The following SEC14L1 variants were observed in gnomAD, a reference collection of about 807,000 sequenced individuals.
The protein encoded by SEC14L1 is SEC14-like protein 1.
SEC14L1 carries 48 observed loss-of-function variants against 85.3 expected under a neutral mutation model. The observed-to-expected ratio is 0.56, with a 90% CI of 0.45 to 0.72. The LOEUF (loss-of-function observed/expected upper bound fraction) is 0.72, where lower values mean the gene tolerates loss of function less well. SEC14L1 is among the 30% of genes least tolerant of loss of function. SEC14L1 has a pLI of 0.00. For synonymous variants in SEC14L1, 391 were observed against 355.5 expected (o/e 1.10, Z -1.12); for missense variants, 682 against 921.4 (o/e 0.74, Z 3.36).
chr17:77,195,839 T>C (rs964009599), intron 7 of SEC14L1, among the ~76,000 whole-genome samples: 1 of 151,652 alleles, frequency 6.6e-6, no homozygotes, highest in Non-Finnish European at 1.5e-5. Flanking sequence ...TTGCTTGGCT[T>C]TTTTTTTTCC....
intron 8 of SEC14L1, among the ~76,000 whole-genome samples, chr17:77,198,662 C>T (rs1162955835): frequency 6.6e-6 from 1 of 151,762 alleles, no homozygotes; most frequent in African/African-American, 2.4e-5. Context: ...GCAAGATCCG[C>T]CTCCTGGGTT....
At chr17:77,089,318 A>G (rs1355225791) in intron 2 of SEC14L1, 2 of 499,250 alleles carry the variant, frequency 4.0e-6, no homozygotes, top group South Asian at 2.9e-5. Flanking sequence ...CGGTCTGGGG[A>G]AAGGCTCCTG....
intron 3 of SEC14L1, among the ~76,000 whole-genome samples, chr17:77,150,607 A>G (rs1973511636): frequency 6.6e-6 from 1 of 152,220 alleles, no homozygotes; most frequent in African/African-American, 2.4e-5. Context: ...GTGAGGAGAC[A>G]CTGCTCTTCC....
At chr17:77,190,683 G>A (rs956895446) in intron 3 of SEC14L1, 120 bp from the exon 4 acceptor site, 5 of 950,028 alleles carry the variant, frequency 5.3e-6, no homozygotes, top group Non-Finnish European at 8.1e-6. Flanking sequence ...TGTGAAGACA[G>A]TTGTGGCGCT....
Position 77,214,984 on chromosome 17 carries a change from A to T in SEC14L1, c.*961A>T, listed in dbSNP as rs1976966914. The T allele has an allele frequency of 1.0e-6, 1 of 985,340 alleles. No individual in the cohort carries two copies. The highest frequency in any genetic ancestry group is 1.7e-5 in the African/African-American group (1 of 57,224). The allele number at this position is 985,340 out of a possible 1,614,324, so 61.0% of individuals were successfully genotyped here. On this transcript the variant is annotated 3_prime_UTR_variant, in exon 17 of 17. Transcript: ENST00000436233. ...GGGGTTTTATTAGTAGCTAAGCAGC[A>T]GCTCTCGCATCCACTTCAGGGTGGC...
chr17:77,148,689 C>A (rs1055784943), intron 3 of SEC14L1, among the ~76,000 whole-genome samples: 1 of 152,226 alleles, frequency 6.6e-6, no homozygotes, highest in African/African-American at 2.4e-5. Flanking sequence ...GCAGCGTAAG[C>A]CCCTCCCTTT....
At chr17:77,102,153 G>A (rs867305044) in intron 3 of SEC14L1, among the ~76,000 whole-genome samples, 22 of 152,198 alleles carry the variant, frequency 1.4e-4, no homozygotes, top group South Asian at 8.3e-4. Context: ...ACCAAAACGC[G>A]TTGAGCATCA....
chr17:77,200,209 A>G (rs950873523), intron 8 of SEC14L1, among the ~76,000 whole-genome samples: 1 of 151,972 alleles, frequency 6.6e-6, no homozygotes, highest in African/African-American at 2.4e-5. Context: ...TCCCTTAGCA[A>G]CTTTTTTTTT....
At chr17:77,130,536 T>C (rs1480175135) in intron 3 of SEC14L1, among the ~76,000 whole-genome samples, 1 of 152,166 alleles carries the variant, frequency 6.6e-6, no homozygotes, top group Non-Finnish European at 1.5e-5. Context: ...TTGGCCAAGC[T>C]GTTCTCGAAC....
chr17:77,216,903 C>A lies in SEC14L1; in HGVS notation c.*2880C>A. ...CTCTTTTAAAACGCTGCTGTCATTT[C>A]CCATTTCTTAGTACTAATGATTCTT... is the stretch of plus-strand genomic sequence containing the variant. On this transcript the variant is annotated 3_prime_UTR_variant, in exon 17 of 17. Transcript: ENST00000436233. The A allele has an allele frequency of 3.7e-6, 1 of 266,910 alleles. No homozygotes were observed. The highest frequency in any genetic ancestry group is 7.2e-6 in the Non-Finnish European group (1 of 137,990). The allele number at this position is 266,910 out of a possible 1,614,324, so 16.5% of individuals were successfully genotyped here.
intron 3 of SEC14L1, among the ~76,000 whole-genome samples, chr17:77,105,370 A>ACCCCCCCCCC (rs1321853423): frequency 6.5e-5 from 2 of 30,638 alleles, no homozygotes; most frequent in African/African-American, 1.1e-4. Context: ...CTCCTCGCTG[A>ACCCCCCCCCC]CCACCCCCCC....
chr17:77,209,652 TG>T (rs1976649359), intron 14 of SEC14L1, among the ~76,000 whole-genome samples, 176 bp downstream of exon 14: 2 of 152,228 alleles, frequency 1.3e-5, no homozygotes, highest in Non-Finnish European at 2.9e-5. Flanking sequence ...CGTCGAAGAA[TG>T]GGTCTCTCTC....
chr17:77,091,539 C>T (rs567534814), intron 2 of SEC14L1, among the ~76,000 whole-genome samples: 34 of 152,332 alleles, frequency 2.2e-4, no homozygotes, highest in Non-Finnish European at 3.7e-4. Context: ...CCAGAGCAGC[C>T]GCAAGCCACA....
chr17:77,155,934 C>T (rs1319059558), intron 3 of SEC14L1, among the ~76,000 whole-genome samples: 2 of 152,108 alleles, frequency 1.3e-5, no homozygotes, highest in South Asian at 2.1e-4. Context: ...TCCCAGAATC[C>T]TTTGTCATTG....
At chr17:77,178,638 T>C (rs1025259493) in intron 3 of SEC14L1, among the ~76,000 whole-genome samples, 5 of 152,160 alleles carry the variant, frequency 3.3e-5, no homozygotes, top group African/African-American at 1.2e-4. Flanking sequence ...CCACCTCAGA[T>C]CATCAGGCAT....
intron 2 of SEC14L1, among the ~76,000 whole-genome samples, chr17:77,092,332 C>T (rs995887808): frequency 9.2e-5 from 14 of 152,058 alleles, no homozygotes; most frequent in Middle Eastern, 3.4e-3. Context: ...TAGAATCTAG[C>T]GATGTCAGTA....
intron 3 of SEC14L1, among the ~76,000 whole-genome samples, chr17:77,178,644 G>T (rs971638254): frequency 6.6e-6 from 1 of 152,198 alleles, no homozygotes; most frequent in African/African-American, 2.4e-5. Context: ...CAGATCATCA[G>T]GCATTGGATT....
upstream of SEC14L1, among the ~76,000 whole-genome samples, chr17:77,136,384 C>G (rs1972802416): frequency 1.3e-5 from 2 of 150,268 alleles, no homozygotes; most frequent in South Asian, 4.2e-4. Context: ...TTCCTTCCTC[C>G]TTCTTTCTTT....
intron 3 of SEC14L1, among the ~76,000 whole-genome samples, chr17:77,180,414 AT>A (rs1941570323): frequency 6.7e-6 from 1 of 148,322 alleles, no homozygotes; most frequent in South Asian, 2.2e-4. Context: ...TAGTATTGTC[AT>A]TGTATTTTCT....
Sources: gnomAD v4.1 joint callset for allele counts (sites outside exome capture counted in the v4.1 genomes callset) on GRCh38, gnomAD v4.1.1 for gene constraint, MANE v1.5 for transcripts, NCBI Gene and HGNC (gene_info 2026-07-23, HGNC 2026-07-21) for gene names.